ANK2: variants seen among roughly 807,000 people sequenced by gnomAD.
ANK2 encodes the protein ankyrin 2, also known as ankyrin-2.
In ANK2, 83 loss-of-function variants were observed where a neutral mutation model predicts 360.5. The ratio of observed to expected loss-of-function variants is 0.23; its 90% CI spans 0.19 to 0.28. ANK2 has a LOEUF of 0.28. Ranked by LOEUF, ANK2 falls within the 10% of genes least tolerant of loss-of-function variation. ANK2 has a pLI of 1.00. For synonymous variants in ANK2, 1,740 were observed against 1,759.5 expected, an observed-to-expected ratio of 0.99 and a Z score of 0.28; for missense variants, 4,201 against 4,795.7, an observed-to-expected ratio of 0.88 and a Z score of 3.66.
intron 2 of ANK2, among the ~76,000 whole-genome samples, chr4:112,923,280 G>A (rs2091945767): frequency 6.6e-6 from 1 of 152,078 alleles, no homozygotes; most frequent in Non-Finnish European, 1.5e-5. Context: ...TGTTTTTAAT[G>A]TTGTTGTTTC....
intron 1 of ANK2, among the ~76,000 whole-genome samples, chr4:113,067,247 T>C (rs552898143): frequency 6.6e-6 from 1 of 152,178 alleles, no homozygotes; most frequent in East Asian, 1.9e-4. Flanking sequence ...AACTAAGATG[T>C]AGCAGTATGT....
chr4:112,957,595 G>T (rs1324276061), intron 2 of ANK2, among the ~76,000 whole-genome samples: 5 of 151,052 alleles, frequency 3.3e-5, no homozygotes. Flanking sequence ...GGGCGGCCGG[G>T]CAGAGGCGCC....
chr4:113,238,226 A>T (rs1354551882), intron 7 of ANK2, among the ~76,000 whole-genome samples: 1 of 152,192 alleles, frequency 6.6e-6, no homozygotes, highest in Non-Finnish European at 1.5e-5. Context: ...GCCTCTCAGT[A>T]TGGTGTGTTT....
the ANK2 span, among the ~76,000 whole-genome samples, chr4:112,724,255 G>T: frequency 1.3e-5 from 2 of 151,948 alleles, no homozygotes; most frequent in Admixed American, 1.3e-4. Context: ...TGTAGAGACA[G>T]TGTCTCACCA....
intron 24 of ANK2, among the ~76,000 whole-genome samples, chr4:113,312,302 A>G (rs77531568): frequency 0.048 from 7,227 of 151,948 alleles, 248 homozygotes; most frequent in Middle Eastern, 0.13. Context: ...AGAAAAGAAA[A>G]GAAAGTTTGT....
chr4:112,781,462 G>T, the ANK2 span, among the ~76,000 whole-genome samples: 385 of 151,862 alleles, frequency 2.5e-3, 3 homozygotes, highest in African/African-American at 8.6e-3. Context: ...GTAACTAATC[G>T]TGTTTTATAT....
intron 1 of ANK2, among the ~76,000 whole-genome samples, chr4:113,153,102 G>A (rs953118258): frequency 2.7e-5 from 4 of 146,908 alleles, no homozygotes; most frequent in African/African-American, 1.0e-4. Context: ...TTTTTTTTCT[G>A]TACTCTTTAC....
chr4:113,001,108 G>T (rs559660181), intron 2 of ANK2, among the ~76,000 whole-genome samples: 1 of 152,198 alleles, frequency 6.6e-6, no homozygotes, highest in South Asian at 2.1e-4. Context: ...GCTGAGGCGG[G>T]TGGATCACCT....
intron 1 of ANK2, among the ~76,000 whole-genome samples, chr4:113,124,054 C>G (rs775209313): frequency 9.9e-4 from 151 of 152,266 alleles, no homozygotes; most frequent in Middle Eastern, 3.4e-3. Flanking sequence ...ATGGAATAAT[C>G]TTCAGGAAAT....
chr4:113,175,114 A>G (rs1348632090), intron 2 of ANK2, among the ~76,000 whole-genome samples: 1 of 152,158 alleles, frequency 6.6e-6, no homozygotes, highest in African/African-American at 2.4e-5. Flanking sequence ...ATCATGAATT[A>G]AAGTGTCTAG....
At chr4:113,008,635 A>G (rs760753340) in intron 2 of ANK2, among the ~76,000 whole-genome samples, 1 of 152,112 alleles carries the variant, frequency 6.6e-6, no homozygotes, top group Non-Finnish European at 1.5e-5. Flanking sequence ...ATTCTTCTGC[A>G]GAAAGGTAAT....
chr4:113,033,344 T>C (rs970667148), intron 2 of ANK2, among the ~76,000 whole-genome samples: 2 of 151,946 alleles, frequency 1.3e-5, no homozygotes, highest in Non-Finnish European at 2.9e-5. Context: ...CAATTAGTGG[T>C]CGATCCAGGA....
At chr4:112,959,567 G>A (rs1402713089) in intron 2 of ANK2, among the ~76,000 whole-genome samples, 1 of 152,152 alleles carries the variant, frequency 6.6e-6, no homozygotes, top group East Asian at 1.9e-4. Flanking sequence ...ACATGTGATA[G>A]GTAGGTATAT....
the ANK2 span, among the ~76,000 whole-genome samples, chr4:112,710,048 C>T: frequency 3.3e-5 from 5 of 152,100 alleles, no homozygotes; most frequent in African/African-American, 1.2e-4. Context: ...TTACAGTGAG[C>T]CAAGCATGGT....
At chr4:113,380,097 T>G (rs2097115704) in intron 45 of ANK2, among the ~76,000 whole-genome samples, 1 of 152,190 alleles carries the variant, frequency 6.6e-6, no homozygotes, top group African/African-American at 2.4e-5. Flanking sequence ...ATTTCTTTAT[T>G]TGTTATACTA....
chr4:113,102,885 A>T (rs1466128423), intron 1 of ANK2, among the ~76,000 whole-genome samples: 1 of 152,136 alleles, frequency 6.6e-6, no homozygotes, highest in East Asian at 1.9e-4. Flanking sequence ...TCACTTTCCC[A>T]AGTTATTTTC....
chr4:112,937,084 G>A (rs866178367), intron 2 of ANK2, among the ~76,000 whole-genome samples: 3 of 152,042 alleles, frequency 2.0e-5, no homozygotes, highest in East Asian at 1.9e-4. Flanking sequence ...GAGCCATCAC[G>A]CCTGGCCTAC....
the ANK2 span, among the ~76,000 whole-genome samples, chr4:112,764,342 AT>A: frequency 4.1e-5 from 6 of 147,588 alleles, no homozygotes; most frequent in East Asian, 2.0e-4. Flanking sequence ...TGCTCTCTGT[AT>A]TTTTTTTTTG....
intron 1 of ANK2, among the ~76,000 whole-genome samples, chr4:112,830,211 G>A (rs1446059902): frequency 6.6e-6 from 1 of 152,104 alleles, no homozygotes; most frequent in African/African-American, 2.4e-5. Context: ...TATGTTCATT[G>A]CAGCACTACT....
Sources: gnomAD v4.1 joint callset for allele counts (sites outside exome capture counted in the v4.1 genomes callset) on GRCh38, gnomAD v4.1.1 for gene constraint, MANE v1.5 for transcripts, NCBI Gene and HGNC (gene_info 2026-07-23, HGNC 2026-07-21) for gene names.